Variants in ATP2B2 observed in about 807,000 individuals in gnomAD.
The protein encoded by ATP2B2 is plasma membrane calcium-transporting ATPase 2.
In ATP2B2, 15 loss-of-function variants were observed where a neutral mutation model predicts 120.0. That is an observed-to-expected ratio of 0.12 (90% CI 0.08 to 0.19). The LOEUF (loss-of-function observed/expected upper bound fraction) is 0.19, where lower values mean the gene tolerates loss of function less well. Among genes scored for constraint, ATP2B2 ranks in the 10% least tolerant of loss-of-function variants. The pLI, the probability that ATP2B2 is intolerant of heterozygous loss-of-function variation, is 1.00. For missense variants in ATP2B2, 1,045 were observed against 1,719.8 expected (o/e 0.61, Z 6.94); for synonymous variants, 694 against 700.3 (o/e 0.99, Z 0.14).
At chr3:10,464,607 G>A (rs1218018603) in intron 1 of ATP2B2, among the ~76,000 whole-genome samples, 2 of 152,140 alleles carry the variant, frequency 1.3e-5, no homozygotes, top group South Asian at 4.1e-4. Flanking sequence ...CCCCAGTGCA[G>A]TCTCCTCCTG....
Position 10,388,339 on chromosome 3 carries a change from G to A in ATP2B2, c.845C>T (p.Thr282Ile). Residue 282 changes from threonine (T) to isoleucine (I), a missense_variant, in exon 6 of 23, where the codon ACT becomes ATT. This residue lies in a region of ATP2B2 where 145 missense variants were observed against 202.0 expected (regional missense o/e 0.72). Transcript: ENST00000360273. ...LVTAVGVNSQ[T>I]GIIFTLLGAG... is the part of the protein sequence containing the mutation. Reference sequence around the variant, plus strand: ...CCCCAGGAGGGTAAAGATGATGCCAGTCTGAGAGTTCACACCCACAGCAGT... The same window carrying A: ...CCCCAGGAGGGTAAAGATGATGCCAATCTGAGAGTTCACACCCACAGCAGT... 6.2e-7 allele frequency: 1 copy of A among 1,614,142 alleles called. No individual in the cohort carries two copies. The highest frequency in any genetic ancestry group is 8.5e-7 in the Non-Finnish European group (1 of 1,180,030).
At position 10,331,851 on chromosome 3, in the gene ATP2B2, G is replaced by A. The variant is rs1246290359; in HGVS notation, c.3421-2726C>T. ...GGGAGACCCATGCCCGTTGTCAGAG[G>A]GCTCTGAGAAAACGCACAGGCCCTG... On this transcript the variant is annotated intron_variant, in intron 22 of 22. Coordinates refer to ENST00000360273, the MANE Select transcript of ATP2B2 (RefSeq NM_001001331.4). 7 of 820,196 alleles carry A rather than the reference G, an allele frequency of 8.5e-6. No individual in the cohort carries two copies. The Middle Eastern group carries it at 7.4e-4, about 86-fold the overall frequency. 50.8% of individuals were successfully genotyped at this position (820,196 alleles called of 1,614,324 possible). A position where few individuals can be genotyped will look rare whatever the true frequency, so the allele number is the denominator to read the frequency against.
chr3:10,617,558 G>A (rs964005849), intron 2 of ATP2B2, among the ~76,000 whole-genome samples: 2 of 152,224 alleles, frequency 1.3e-5, no homozygotes, highest in Non-Finnish European at 2.9e-5. Context: ...AGAAACGAAG[G>A]CACAAAGGGG....
Position 10,346,257 on chromosome 3 carries a change from C to T in ATP2B2, c.2405-120G>A, listed in dbSNP as rs752172084. 2.3e-4 allele frequency: 214 copies of T among 937,002 alleles called. 2 individuals carry two copies. Among genetic ancestry groups the T allele is most frequent in the South Asian group, 3.9e-4 (28 of 72,294 alleles). The allele number at this position is 937,002 out of a possible 1,614,324, so 58.0% of individuals were successfully genotyped here. A position where few individuals can be genotyped will look rare whatever the true frequency, so the allele number is the denominator to read the frequency against. On this transcript the variant is annotated intron_variant, in intron 16 of 22. Coordinates refer to ENST00000360273, the MANE Select transcript of ATP2B2 (RefSeq NM_001001331.4). This position sits in a 1 kb window ranked among gnomAD's most constrained non-coding sequence, Gnocchi z 4.1. ...GCTTCCTCTCTGGTCCCTGTCCAGCCGCCCCCTCCATCCAGGCTCTTCCCA... is the reference window on the plus strand; with the variant it reads ...GCTTCCTCTCTGGTCCCTGTCCAGCTGCCCCCTCCATCCAGGCTCTTCCCA...
At chr3:10,572,922 T>A (rs140591170) in intron 2 of ATP2B2, among the ~76,000 whole-genome samples, 36 of 152,278 alleles carry the variant, frequency 2.4e-4, no homozygotes, top group Middle Eastern at 3.4e-3. Flanking sequence ...CCAGTGCTCT[T>A]TCTATTCTAC....
intron 2 of ATP2B2, among the ~76,000 whole-genome samples, chr3:10,585,312 G>C (rs2068481064): frequency 6.9e-6 from 1 of 145,436 alleles, no homozygotes; most frequent in South Asian, 2.3e-4. Flanking sequence ...TGGCTAACCA[G>C]GTGAAACCCC....
chr3:10,609,314 A>G (rs2069167254), intron 2 of ATP2B2, among the ~76,000 whole-genome samples: 1 of 151,856 alleles, frequency 6.6e-6, no homozygotes, highest in Non-Finnish European at 1.5e-5. Flanking sequence ...GGCTGCCAGC[A>G]GCAGGGCAGA....
At chr3:10,650,223 G>A (rs1319259023) in intron 1 of ATP2B2, among the ~76,000 whole-genome samples, 1 of 152,248 alleles carries the variant, frequency 6.6e-6, no homozygotes, top group Non-Finnish European at 1.5e-5. Flanking sequence ...CGTCCAGACT[G>A]AGGTGGTCTC....
At chr3:10,444,761 G>A (rs918910544) in intron 2 of ATP2B2, among the ~76,000 whole-genome samples, 4 of 152,254 alleles carry the variant, frequency 2.6e-5, no homozygotes, top group African/African-American at 9.6e-5. Context: ...GCAGCGCAAC[G>A]CTGGGCTCAG....
At position 10,380,191 on chromosome 3, in the gene ATP2B2, C is replaced by G. The variant is rs183911875; in HGVS notation, c.1001-907G>C. ...TCATCAGAGCTGCCTGGGAGGCCCCCACTCCAGCCTTGGCCAGGAGCTTGT... is the reference window on the plus strand; with the variant it reads ...TCATCAGAGCTGCCTGGGAGGCCCCGACTCCAGCCTTGGCCAGGAGCTTGT... On this transcript the variant is annotated intron_variant, in intron 8 of 22. Coordinates refer to ENST00000360273, the MANE Select transcript of ATP2B2 (RefSeq NM_001001331.4). Among the ~76,000 whole-genome samples, 510 of 152,336 alleles carry G rather than the reference C, an allele frequency of 3.3e-3. 5 individuals are homozygous for G. Among genetic ancestry groups the G allele is most frequent in the African/African-American group, 0.012 (486 of 41,582 alleles).
At chr3:10,539,136 A>G (rs2067379170) in intron 2 of ATP2B2, among the ~76,000 whole-genome samples, 2 of 152,206 alleles carry the variant, frequency 1.3e-5, no homozygotes, top group Non-Finnish European at 2.9e-5. Flanking sequence ...CTTCAAAGAG[A>G]ATAAAATACC....
chr3:10,598,520 A>G (rs1355313232), intron 2 of ATP2B2, among the ~76,000 whole-genome samples: 3 of 152,184 alleles, frequency 2.0e-5, no homozygotes, highest in Non-Finnish European at 4.4e-5. Flanking sequence ...CCTCCCAACC[A>G]TGCACGCTCC....
chr3:10,329,901 G>T lies in ATP2B2; in HGVS notation c.3421-776C>A, dbSNP rs555074988. Among the ~76,000 whole-genome samples the T allele has an allele frequency of 2.0e-5, 3 of 152,340 alleles. No individual in the cohort carries two copies. In the East Asian group the frequency reaches 5.8e-4, roughly 29 times the overall value. ...ACTTGGAAGCCTGGACAATGTGAAC[G>T]GAGGTCGTTTGTACCCAGCGTTTCT... is the stretch of plus-strand genomic sequence containing the variant. On this transcript the variant is annotated intron_variant, in intron 22 of 22. Transcript: ENST00000360273. The surrounding 1 kb of genome is among the most constrained non-coding windows in gnomAD (Gnocchi z 5.9).
chr3:10,678,300 G>A (rs567700779), intron 1 of ATP2B2, among the ~76,000 whole-genome samples: 17 of 152,298 alleles, frequency 1.1e-4, no homozygotes, highest in Admixed American at 7.2e-4. Context: ...TGCCTTCATC[G>A]AACTGTTTGT....
At chr3:10,534,803 C>T (rs776459669) in intron 2 of ATP2B2, among the ~76,000 whole-genome samples, 50 of 151,968 alleles carry the variant, frequency 3.3e-4, no homozygotes, top group Non-Finnish European at 5.6e-4. Flanking sequence ...TAGAAACGCC[C>T]GACAAACAGC....
intron 3 of ATP2B2, among the ~76,000 whole-genome samples, chr3:10,404,978 TAGAGC>T (rs1295830231): frequency 6.6e-5 from 10 of 152,280 alleles, no homozygotes; most frequent in African/African-American, 2.4e-4. Context: ...GGGCCCCCAT[TAGAGC>T]AGTTACTGGA....
At chr3:10,468,124 G>A (rs948201157) in intron 1 of ATP2B2, among the ~76,000 whole-genome samples, 1 of 152,228 alleles carries the variant, frequency 6.6e-6, no homozygotes, top group Non-Finnish European at 1.5e-5. Flanking sequence ...GGGGTTCTGG[G>A]GGAGATGGAA....
At chr3:10,455,829 G>T (rs2064236425) in intron 1 of ATP2B2, among the ~76,000 whole-genome samples, 1 of 152,234 alleles carries the variant, frequency 6.6e-6, no homozygotes. Context: ...CCCTGAGCAA[G>T]CCCCTTTCTT....
At chr3:10,394,461 A>G (rs1371090245) in intron 5 of ATP2B2, 1 of 471,062 alleles carries the variant, frequency 2.1e-6, no homozygotes, top group Non-Finnish European at 4.4e-6. Context: ...AGGGTCACAC[A>G]GCTGTGAGTG....
Sources: allele counts gnomAD v4.1 joint callset (sites outside exome capture counted in the v4.1 genomes callset), GRCh38; gene constraint gnomAD v4.1.1; regional missense constraint gnomAD v4.1.1; non-coding constraint Gnocchi (gnomAD v3.1); transcripts MANE v1.5; gene names NCBI Gene and HGNC (gene_info 2026-07-23, HGNC 2026-07-21).